IPO11: variants seen among roughly 807,000 people sequenced by gnomAD.
IPO11 encodes the protein importin 11, also known as importin-11.
Under a neutral mutation model 143.2 loss-of-function variants are expected in IPO11, and 66 were observed. That is an observed-to-expected ratio of 0.46 (90% CI 0.38 to 0.57). The LOEUF is 0.57. Ranked by LOEUF, IPO11 falls within the 20% of genes least tolerant of loss-of-function variation. IPO11 has a pLI of 0.00. For missense variants in IPO11, 1,026 were observed against 1,141.0 expected, an observed-to-expected ratio of 0.90 and a Z score of 1.45; for synonymous variants, 385 against 377.8, an observed-to-expected ratio of 1.02 and a Z score of -0.22.
In IPO11 at chr5:62,530,714, T is replaced by C. The variant is rs375253979; in HGVS notation, c.2018T>C (p.Val673Ala). 2.5e-6 allele frequency: 4 copies of C among 1,610,856 alleles called. No homozygotes were observed. In the African/African-American group the frequency reaches 5.3e-5, roughly 22 times the overall value. Residue 673 changes from valine (V) to alanine (A), a missense_variant, in exon 22 of 30, where the codon GTA (valine) becomes GCA (alanine). Val to Ala is a moderately conservative substitution (Grantham distance 64, BLOSUM62 0). Coordinates refer to ENST00000325324, the MANE Select transcript of IPO11 (RefSeq NM_016338.5). Reference sequence around the variant, plus strand: ...CATCTGTTTTTCCTTCCTAGGTTAGTAACTTTGGAAAACAGTCCATGTATT... The same window carrying C: ...CATCTGTTTTTCCTTCCTAGGTTAGCAACTTTGGAAAACAGTCCATGTATT... ...LLEDGLELWLVTLENSPCITP... is the reference protein window; with the variant it reads ...LLEDGLELWLATLENSPCITP...
intron 29 of IPO11, among the ~76,000 whole-genome samples, chr5:62,615,074 T>G (rs537226032): frequency 3.9e-5 from 6 of 152,156 alleles, no homozygotes; most frequent in Non-Finnish European, 7.4e-5. Context: ...TTTCTCCTTA[T>G]GGAGCTGTGG....
chr5:62,470,290 T>G lies in IPO11; in HGVS notation c.690T>G (p.His230Gln). ...CTGTTAATGGATTTGTGGAACCTCA[T>G]AAGAATATGGAGGTGATGGTAAGTG... ...KLTVNGFVEPHKNMEVMGFLH... is the reference protein window; with the variant it reads ...KLTVNGFVEPQKNMEVMGFLH... The change falls in exon 7 of 30, where the codon CAT (histidine) becomes CAG (glutamine). Residue 230 changes from histidine (H) to glutamine (Q), a missense_variant. His to Gln is a conservative substitution (Grantham distance 24). Transcript: ENST00000325324. 1 of 1,613,798 alleles carries G rather than the reference T, an allele frequency of 6.2e-7. No homozygotes were observed.
At chr5:62,528,281 A>G (rs1395662617) in intron 21 of IPO11, among the ~76,000 whole-genome samples, 2 of 152,198 alleles carry the variant, frequency 1.3e-5, no homozygotes, top group South Asian at 2.1e-4. Context: ...TCCTAGTAAG[A>G]TTAGTATAGA....
chr5:62,417,018 A>T (rs1364564106), intron 1 of IPO11, among the ~76,000 whole-genome samples: 1 of 152,028 alleles, frequency 6.6e-6, no homozygotes, highest in African/African-American at 2.4e-5. Flanking sequence ...TATATGGGTG[A>T]GCCACCGTGC....
chr5:62,603,814 G>C (rs750293346), intron 29 of IPO11, among the ~76,000 whole-genome samples: 2 of 152,186 alleles, frequency 1.3e-5, no homozygotes, highest in African/African-American at 2.4e-5. Context: ...GACCTGCTGC[G>C]CAGTCATGCA....
intron 16 of IPO11, among the ~76,000 whole-genome samples, chr5:62,497,604 G>A (rs955442701): frequency 6.6e-6 from 1 of 152,132 alleles, no homozygotes; most frequent in Non-Finnish European, 1.5e-5. Context: ...GAGTTGCTAG[G>A]ACTATAGGAG....
chr5:62,568,928 T>G (rs1253303294), intron 27 of IPO11, among the ~76,000 whole-genome samples: 1 of 152,216 alleles, frequency 6.6e-6, no homozygotes, highest in Non-Finnish European at 1.5e-5. Context: ...GACTGTTCAC[T>G]TCCCTAAGCC....
chr5:62,463,948 C>T (rs900085140), intron 5 of IPO11, among the ~76,000 whole-genome samples: 1 of 151,350 alleles, frequency 6.6e-6, no homozygotes, highest in South Asian at 2.1e-4. Context: ...CTTAGCTTCC[C>T]GAGTAGCTGG....
At chr5:62,452,648 T>C (rs1744975658) in intron 5 of IPO11, among the ~76,000 whole-genome samples, 1 of 142,538 alleles carries the variant, frequency 7.0e-6, no homozygotes, top group African/African-American at 2.8e-5. Flanking sequence ...GCACCTTTTT[T>C]TTGGTTTTGG....
intron 9 of IPO11, among the ~76,000 whole-genome samples, chr5:62,481,789 T>C (rs971486810): frequency 9.2e-5 from 14 of 152,240 alleles, no homozygotes; most frequent in African/African-American, 3.4e-4. Context: ...GGTATCAGGA[T>C]GATGCTGGCC....
At chr5:62,578,591 ATT>A in intron 27 of IPO11, 1 of 400,514 alleles carries the variant, frequency 2.5e-6, no homozygotes, top group Non-Finnish European at 4.9e-6. Context: ...TATAGGAGAT[ATT>A]TCAATGTGTA....
intron 26 of IPO11, among the ~76,000 whole-genome samples, chr5:62,555,554 A>G (rs2112356694): frequency 6.6e-6 from 1 of 151,268 alleles, no homozygotes; most frequent in Middle Eastern, 3.4e-3. Flanking sequence ...CCCAGGCTGG[A>G]GTGCAGTGGT....
chr5:62,536,840 T>C (rs1055181726), intron 23 of IPO11, 59 bp downstream of exon 23: 68 of 1,372,276 alleles, frequency 5.0e-5, no homozygotes, highest in Non-Finnish European at 6.1e-5. Context: ...TGATTATTAT[T>C]TGAAATCAGG....
chr5:62,607,024 A>G (rs2112458289), intron 29 of IPO11, among the ~76,000 whole-genome samples: 1 of 152,270 alleles, frequency 6.6e-6, no homozygotes, highest in Non-Finnish European at 1.5e-5. Flanking sequence ...GCTCTTGCCA[A>G]ATACTGTACT....
At chr5:62,551,139 T>C in intron 25 of IPO11, 84 bp from the exon 26 acceptor site, 1 of 703,238 alleles carries the variant, frequency 1.4e-6, no homozygotes, top group East Asian at 2.5e-5. Flanking sequence ...TTATTTTATA[T>C]CCCTGTTGCT....
At chr5:62,482,096 T>C (rs1035596279) in intron 9 of IPO11, among the ~76,000 whole-genome samples, 1 of 152,232 alleles carries the variant, frequency 6.6e-6, no homozygotes, top group Non-Finnish European at 1.5e-5. Context: ...TACAGTGTTC[T>C]CTGATGTTGG....
chr5:62,503,476 C>T (rs1741431746), intron 16 of IPO11, among the ~76,000 whole-genome samples: 2 of 151,128 alleles, frequency 1.3e-5, no homozygotes, highest in South Asian at 4.2e-4. Context: ...TTCCTCTCCT[C>T]CCCAGATTGT....
At chr5:62,443,963 A>G (rs1007510007) in intron 3 of IPO11, among the ~76,000 whole-genome samples, 1 of 152,228 alleles carries the variant, frequency 6.6e-6, no homozygotes, top group Non-Finnish European at 1.5e-5. Flanking sequence ...TAAAAGCCGT[A>G]AGACCTTTTT....
chr5:62,598,416 C>CT (rs1309667926), intron 28 of IPO11, among the ~76,000 whole-genome samples: 1 of 12,764 alleles, frequency 7.8e-5, no homozygotes. Flanking sequence ...TTCTTTCTTT[C>CT]TTTCTTTCTT....
Sources: gnomAD v4.1 joint callset for allele counts (sites outside exome capture counted in the v4.1 genomes callset) on GRCh38, gnomAD v4.1.1 for gene constraint, MANE v1.5 for transcripts, NCBI Gene and HGNC (gene_info 2026-07-23, HGNC 2026-07-21) for gene names.